The following FPGS variants were observed in gnomAD, a reference collection of about 807,000 sequenced individuals.
FPGS encodes the protein folylpolyglutamate synthase, also known as folylpolyglutamate synthase, mitochondrial.
FPGS carries 53 observed loss-of-function variants against 66.5 expected under a neutral mutation model. The observed-to-expected ratio is 0.80, with a 90% CI of 0.64 to 1.00. FPGS has a LOEUF of 1.00. FPGS is among the 50% of genes least tolerant of loss of function. FPGS has a pLI of 0.00. For missense variants in FPGS, 702 were observed against 807.7 expected (o/e 0.87, Z 1.59); for synonymous variants, 348 against 350.9 (o/e 0.99, Z 0.09).
chr9:127,811,047 A>C (rs1412968392), intron 14 of FPGS, 36 bp downstream of exon 14: 1 of 1,392,694 alleles, frequency 7.2e-7, no homozygotes, highest in Non-Finnish European at 1.0e-6. Context: ...GGGGATGAGC[A>C]GGGGTCCCTG....
At chr9:127,806,901 C>CA (rs1395988465) in intron 4 of FPGS, 72 bp from the exon 5 acceptor site, 4 of 1,108,978 alleles carry the variant, frequency 3.6e-6, no homozygotes, top group African/African-American at 3.1e-5. Context: ...CCAGTAGCAT[C>CA]AGTCCCTGCA....
rs768512887 is a variant in FPGS at position 127,808,654 on chromosome 9, G to A, written c.919G>A (p.Ala307Thr). 83 of 1,605,000 alleles carry A rather than the reference G, an allele frequency of 5.2e-5. No individual in the cohort carries two copies. The highest frequency in any genetic ancestry group is 1.5e-4 in the African/African-American group (11 of 74,876). The part of the protein sequence containing the change: ...LEGEHQRSNA[A>T]LALQLAHCWL... ...GGGGGAGCACCAGCGGTCCAACGCC[G>A]CCTTGGCCTTGCAGCTGGCCCACTG... The change falls in exon 10 of 15, where the codon GCC becomes ACC. Residue 307 changes from alanine (A) to threonine (T), a missense_variant. Physicochemically the swap from Ala to Thr is moderately conservative, Grantham distance 58. This residue lies in a region of FPGS where 240 missense variants were observed against 348.6 expected (regional missense o/e 0.69). Coordinates refer to ENST00000373247, the MANE Select transcript of FPGS (RefSeq NM_004957.6).
chr9:127,813,380 T>C lies in FPGS; in HGVS notation c.1540T>C (p.Ser514Pro). ...CCCACCCCACACCTGCAGTGCCAGC[T>C]CCCTCGTCTTCAGCTGCATTTCACA... Reference protein sequence around the residue: ...PHPPHTCSASSLVFSCISHAL... With the variant: ...PHPPHTCSASPLVFSCISHAL... The change falls in exon 15 of 15, where the codon TCC becomes CCC. Residue 514 changes from serine to proline, a missense_variant. Physicochemically the swap from Ser to Pro is moderately conservative, Grantham distance 74 (BLOSUM62 -1). This residue lies in a region of FPGS where 351 missense variants were observed against 363.7 expected (regional missense o/e 0.97). Coordinates refer to ENST00000373247, the MANE Select transcript of FPGS (RefSeq NM_004957.6). 1 of 1,610,872 alleles carries C rather than the reference T, an allele frequency of 6.2e-7. No homozygotes were observed. Among genetic ancestry groups the C allele is most frequent in the Non-Finnish European group, 8.5e-7 (1 of 1,178,204 alleles).
intron 14 of FPGS, 40 bp downstream of exon 14, chr9:127,811,051 G>C (rs1830054903): frequency 7.6e-7 from 1 of 1,309,306 alleles, no homozygotes; most frequent in Non-Finnish European, 1.1e-6. Context: ...ATGAGCAGGG[G>C]TCCCTGAGGT....
In FPGS at chr9:127,808,849, C is replaced by T; in HGVS notation, c.1020C>T (p.Pro340=). 6.4e-7 allele frequency: 1 copy of T among 1,562,304 alleles called. No individual in the cohort carries two copies. Among genetic ancestry groups the T allele is most frequent in the Non-Finnish European group, 8.7e-7 (1 of 1,153,780 alleles). The change falls in exon 11 of 15, where the codon CCC becomes CCT. Residue 340 remains proline (P), a synonymous_variant. Coordinates refer to ENST00000373247, the MANE Select transcript of FPGS (RefSeq NM_004957.6). ...ASRPGLLWQL[P]LAPVFQPTSH... is the part of the protein sequence containing the mutation. ...GGCCAGGGCTCCTGTGGCAGCTGCC[C>T]CTGGCACCTGTGTTCCAGCCCACAT...
chr9:127,803,185 G>T, intron 1 of FPGS, 123 bp downstream of exon 1: 1 of 1,256,604 alleles, frequency 8.0e-7, no homozygotes, highest in Non-Finnish European at 1.0e-6. Context: ...TGGGGGACTC[G>T]GGGGGCGGAA....
rs1829738222 is a variant in FPGS, at chr9:127,804,647, T to C, written c.333T>C (p.Cys111=). ...VTGTKGKGST[C]AFTECILRSY... ...CCTTTTCTTTCAAGGGCTCCACCTG[T>C]GCCTTCACGGAATGTATCCTCCGAA... Residue 111 remains cysteine, a synonymous_variant, in exon 4 of 15, where the codon TGT becomes TGC. Transcript: ENST00000373247. 5.6e-6 allele frequency: 9 copies of C among 1,614,126 alleles called. No individual in the cohort carries two copies. Among genetic ancestry groups the C allele is most frequent in the Non-Finnish European group, 7.6e-6 (9 of 1,180,022 alleles).
chr9:127,808,375 C>A, intron 9 of FPGS, 64 bp downstream of exon 9: 1 of 1,490,066 alleles, frequency 6.7e-7, no homozygotes, highest in African/African-American at 1.4e-5. Context: ...TGAGGAGGCA[C>A]TGCATCCTCT....
chr9:127,803,426 T>A, intron 1 of FPGS: 3 of 1,030,010 alleles, frequency 2.9e-6, no homozygotes, highest in Non-Finnish European at 3.5e-6. Flanking sequence ...ACTCAGGAAT[T>A]CAGGCTTGAA....
At chr9:127,804,140 A>G (rs571311281) in intron 1 of FPGS, 145 bp from the exon 2 acceptor site, 1 of 1,060,382 alleles carries the variant, frequency 9.4e-7, no homozygotes, top group African/African-American at 1.6e-5. Context: ...TGCTTAACCT[A>G]CAGGCTAGGC....
At chr9:127,806,221 A>T (rs1412014119) in intron 4 of FPGS, among the ~76,000 whole-genome samples, 1 of 150,602 alleles carries the variant, frequency 6.6e-6, no homozygotes, top group African/African-American at 2.5e-5. Flanking sequence ...ATACCAAAAA[A>T]TTGGCTGGGC....
rs1422412820 is a variant in FPGS, at chr9:127,802,978, T to C, written c.54T>C (p.Ser18=). The change falls in exon 1 of 15, where the codon TCT becomes TCC. Residue 18 remains serine, a synonymous_variant. Coordinates refer to ENST00000373247, the MANE Select transcript of FPGS (RefSeq NM_004957.6). ...LRAALFLAAA[S]ARGITTQVAA... is the part of the protein sequence containing the mutation. ...CCGCTCTATTCCTGGCAGCGGCGTC[T>C]GCGCGCGGCATAACGACCCAGGTCG... 3 of 1,460,578 alleles carry C rather than the reference T, an allele frequency of 2.1e-6. No individual in the cohort carries two copies. The highest frequency in any genetic ancestry group is 2.7e-5 in the South Asian group (2 of 74,960). 90.5% of individuals were successfully genotyped at this position (1,460,578 alleles called of 1,614,324 possible).
At chr9:127,806,874 G>C in intron 4 of FPGS, 99 bp from the exon 5 acceptor site, 1 of 858,788 alleles carries the variant, frequency 1.2e-6, no homozygotes, top group Non-Finnish European at 2.0e-6. Flanking sequence ...GGACACAGGA[G>C]AGATGAGGCA....
rs139138855 is a variant in FPGS, at chr9:127,804,681, C to T, written c.367C>T (p.Leu123=). 1.6e-3 allele frequency: 2,562 copies of T among 1,614,068 alleles called. 35 individuals carry two copies. The highest frequency in any genetic ancestry group is 2.0e-4 in the Non-Finnish European group (239 of 1,180,022). Residue 123 remains leucine, a synonymous_variant, in exon 4 of 15, where the codon CTG becomes TTG. Transcript: ENST00000373247. ...GGAATGTATCCTCCGAAGCTATGGC[C>T]TGAAGACGGGATTCTTTAGGTACTG... ...FTECILRSYG[L]KTGFFSSPHL...
At position 127,809,773 on chromosome 9, in the gene FPGS, A is replaced by G; in HGVS notation, c.1150A>G (p.Ser384Gly). Residue 384 changes from serine to glycine, a missense_variant, in exon 12 of 15, where the codon AGC (serine) becomes GGC (glycine). Around this residue, in one of 3 missense-constraint regions of FPGS, gnomAD observed 351 missense variants for 363.7 expected, o/e 0.97. Coordinates refer to ENST00000373247, the MANE Select transcript of FPGS (RefSeq NM_004957.6). Reference protein sequence around the residue: ...WYLDGAHTASSAQACVRWFRQ... With the variant: ...WYLDGAHTASGAQACVRWFRQ... ...CCTGGACGGTGCGCACACCGCCAGC[A>G]GCGCGCAGGCCTGCGTGCGCTGGTT... 6.4e-7 allele frequency: 1 copy of G among 1,566,032 alleles called. No homozygotes were observed. Among genetic ancestry groups the G allele is most frequent in the Non-Finnish European group, 8.6e-7 (1 of 1,165,894 alleles).
rs1830171594 is a variant in FPGS, at chr9:127,813,383, C to G, written c.1543C>G (p.Leu515Val). The change falls in exon 15 of 15, where the codon CTC becomes GTC. Residue 515 changes from leucine (L) to valine (V), a missense_variant. Physicochemically the swap from Leu to Val is conservative, Grantham distance 32 (BLOSUM62 1). Around this residue, in one of 3 missense-constraint regions of FPGS, gnomAD observed 351 missense variants for 363.7 expected, o/e 0.97. Transcript: ENST00000373247. ...ACCCCACACCTGCAGTGCCAGCTCC[C>G]TCGTCTTCAGCTGCATTTCACATGC... Reference protein sequence around the residue: ...HPPHTCSASSLVFSCISHALQ... With the variant: ...HPPHTCSASSVVFSCISHALQ... 1 of 1,611,056 alleles carries G rather than the reference C, an allele frequency of 6.2e-7. No individual in the cohort carries two copies. Among genetic ancestry groups the G allele is most frequent in the Non-Finnish European group, 8.5e-7 (1 of 1,178,332 alleles).
Position 127,802,904 on chromosome 9 carries a change from G to T in FPGS, c.-21G>T. The stretch of plus-strand genomic sequence containing the variant: ...GGCGTCTCCCGCCCGGGCCTAGAGC[G>T]CTGCCGGGGGCGCCGGGACTATGTC... On this transcript the variant is annotated 5_prime_UTR_variant, in exon 1 of 15. Coordinates refer to ENST00000373247, the MANE Select transcript of FPGS (RefSeq NM_004957.6). The T allele has an allele frequency of 7.4e-7, 1 of 1,350,910 alleles. No homozygotes were observed. Among genetic ancestry groups the T allele is most frequent in the East Asian group, 3.2e-5 (1 of 31,740 alleles). The allele number at this position is 1,350,910 out of a possible 1,614,324, so 83.7% of individuals were successfully genotyped here.
At position 127,809,727 on chromosome 9, in the gene FPGS, G is replaced by A. The variant is rs1411092838; in HGVS notation, c.1104G>A (p.Arg368=). The A allele has an allele frequency of 1.3e-6, 2 of 1,588,286 alleles. No individual in the cohort carries two copies. The highest frequency in any genetic ancestry group is 1.4e-5 in the African/African-American group (1 of 73,330). The change falls in exon 12 of 15, where the codon CGG becomes CGA. Residue 368 remains arginine, a synonymous_variant. Transcript: ENST00000373247. ...TEWPGRTQVL[R]RGPLTWYLDG... ...GGCCGGGCCGGACGCAGGTGCTGCG[G>A]CGCGGGCCCCTCACCTGGTACCTGG...
Position 127,807,583 on chromosome 9 carries a change from C to A in FPGS, c.642-3C>A. On this transcript the variant is annotated splice_polypyrimidine_tract_variant and splice_region_variant and intron_variant, in intron 7 of 14. Coordinates refer to ENST00000373247, the MANE Select transcript of FPGS (RefSeq NM_004957.6). This position sits in a 1 kb window ranked among gnomAD's most constrained non-coding sequence, Gnocchi z 5.8. ...GGCCTCATGGCCTTTTCCTCCCCTGCAGGAAGCCTGTGGTGTGCGGAGTCT... is the reference window on the plus strand; with the variant it reads ...GGCCTCATGGCCTTTTCCTCCCCTGAAGGAAGCCTGTGGTGTGCGGAGTCT... 6.2e-7 allele frequency: 1 copy of A among 1,613,362 alleles called. No homozygotes were observed. The highest frequency in any genetic ancestry group is 2.2e-5 in the East Asian group (1 of 44,882).
Sources: gnomAD v4.1 joint callset for allele counts (sites outside exome capture counted in the v4.1 genomes callset) on GRCh38, gnomAD v4.1.1 for gene constraint, gnomAD v4.1.1 regional missense constraint, Gnocchi (gnomAD v3.1) non-coding constraint, MANE v1.5 for transcripts, NCBI Gene and HGNC (gene_info 2026-07-23, HGNC 2026-07-21) for gene names.